The following SMARCC1 variants were observed in gnomAD, a reference collection of about 807,000 sequenced individuals.
SMARCC1 encodes the protein SWI/SNF related BAF chromatin remodeling complex subunit C1.
A neutral mutation model predicts 147.4 loss-of-function variants in SMARCC1; 43 were observed. The observed-to-expected ratio is 0.29, with a 90% CI of 0.23 to 0.38. The LOEUF is 0.38. Ranked by LOEUF, SMARCC1 falls within the 10% of genes least tolerant of loss-of-function variation. SMARCC1 has a pLI of 1.00. For synonymous variants in SMARCC1, 495 were observed against 484.4 expected (o/e 1.02, Z -0.29); for missense variants, 1,119 against 1,381.1 (o/e 0.81, Z 3.01).
intron 11 of SMARCC1, among the ~76,000 whole-genome samples, chr3:47,697,621 GA>G (rs71070212): frequency 0.013 from 1,742 of 131,668 alleles, 8 homozygotes; most frequent in South Asian, 0.019. Context: ...ACTCTTAAGG[GA>G]AAAAAAAAAA....
At chr3:47,710,546 C>T in intron 9 of SMARCC1, 137 bp downstream of exon 9, 1 of 801,006 alleles carries the variant, frequency 1.2e-6, no homozygotes, top group Non-Finnish European at 1.9e-6. Flanking sequence ...GGAATTTTCA[C>T]CTGATGGCAC....
At chr3:47,658,689 G>A (rs2106731539) in intron 21 of SMARCC1, among the ~76,000 whole-genome samples, 1 of 152,198 alleles carries the variant, frequency 6.6e-6, no homozygotes, top group Middle Eastern at 3.4e-3. Context: ...CATTCCAGTT[G>A]TTTCCCCTTT....
intron 26 of SMARCC1, among the ~76,000 whole-genome samples, chr3:47,599,897 T>C (rs1416911092): frequency 6.6e-6 from 1 of 152,232 alleles, no homozygotes; most frequent in Non-Finnish European, 1.5e-5. Flanking sequence ...CTACCTATCA[T>C]GCACTGGGAA....
At chr3:47,622,469 C>G (rs987138455) in intron 24 of SMARCC1, 128 bp from the exon 25 acceptor site, 8 of 833,272 alleles carry the variant, frequency 9.6e-6, no homozygotes, top group Non-Finnish European at 1.5e-5. Context: ...TCCTTTGTAA[C>G]GTACAATCTA....
chr3:47,700,355 A>C (rs1194070144), intron 11 of SMARCC1, among the ~76,000 whole-genome samples: 1 of 152,176 alleles, frequency 6.6e-6, no homozygotes, highest in East Asian at 1.9e-4. Context: ...AAGATGGGTG[A>C]AGAAGGCTAA....
At chr3:47,623,645 G>A (rs187011246) in intron 24 of SMARCC1, among the ~76,000 whole-genome samples, 1 of 152,098 alleles carries the variant, frequency 6.6e-6, no homozygotes, top group East Asian at 1.9e-4. Context: ...TGTAATTTAA[G>A]GCATTATCAT....
In SMARCC1 at chr3:47,780,168, GTTTTT is replaced by G. The variant is rs10662354; in HGVS notation, c.195+1430_195+1434del. On this transcript the variant is annotated intron_variant, in intron 1 of 27. Transcript: ENST00000254480. ...ATTTCTGGGTCTTTGGTTTTTTTTT[GTTTTT>G]TTTTTTTTTTTTTTTTTGGAGACAG... Among the ~76,000 whole-genome samples the G allele has an allele frequency of 1.8e-4, 11 of 61,898 alleles. No individual in the cohort carries two copies. The East Asian group carries it at 3.2e-3, about 18-fold the overall frequency. 40.6% of individuals were successfully genotyped at this position (61,898 alleles called of 152,430 possible). A position where few individuals can be genotyped will look rare whatever the true frequency, so the allele number is the denominator to read the frequency against.
intron 7 of SMARCC1, among the ~76,000 whole-genome samples, chr3:47,716,439 A>AC (rs71281897): frequency 4.7e-5 from 7 of 149,478 alleles, no homozygotes; most frequent in African/African-American, 9.9e-5. Flanking sequence ...AAAAAAAAAA[A>AC]CCCAACCTTA....
At chr3:47,722,367 G>A (rs1293249404) in intron 6 of SMARCC1, among the ~76,000 whole-genome samples, 2 of 136,806 alleles carry the variant, frequency 1.5e-5, no homozygotes, top group Non-Finnish European at 3.0e-5. Flanking sequence ...GTGCGATCTC[G>A]GCTCACCACA....
chr3:47,768,219 C>T (rs980315167), intron 2 of SMARCC1, among the ~76,000 whole-genome samples: 6 of 152,118 alleles, frequency 3.9e-5, no homozygotes, highest in Middle Eastern at 3.2e-3. Context: ...ACATTCTTTG[C>T]TTTGTTAATT....
intron 22 of SMARCC1, among the ~76,000 whole-genome samples, chr3:47,637,669 G>A (rs745495570): frequency 4.1e-4 from 62 of 150,980 alleles, no homozygotes; most frequent in Non-Finnish European, 2.1e-4. Context: ...CCAAGATTGC[G>A]TTGCTGCATT....
At chr3:47,680,641 G>A (rs1287435959) in intron 14 of SMARCC1, 133 bp from the exon 15 acceptor site, 14 of 455,652 alleles carry the variant, frequency 3.1e-5, no homozygotes, top group Non-Finnish European at 4.4e-5. Context: ...TCCGCCTCCC[G>A]GGTTCACGCC....
At chr3:47,679,879 A>G (rs973766258) in intron 15 of SMARCC1, among the ~76,000 whole-genome samples, 114 of 150,596 alleles carry the variant, frequency 7.6e-4, no homozygotes, top group African/African-American at 2.7e-3. Flanking sequence ...AAAAAAAAAA[A>G]GGAAGAAAGA....
At chr3:47,776,887 C>T (rs1411927758) in intron 1 of SMARCC1, among the ~76,000 whole-genome samples, 1 of 151,854 alleles carries the variant, frequency 6.6e-6, no homozygotes, top group African/African-American at 2.4e-5. Context: ...CAATTCTCCT[C>T]CCTTAGCCTA....
At chr3:47,731,981 T>C (rs1221210464) in intron 5 of SMARCC1, among the ~76,000 whole-genome samples, 1 of 152,220 alleles carries the variant, frequency 6.6e-6, no homozygotes, top group Non-Finnish European at 1.5e-5. Context: ...CATTGACTTC[T>C]CTAACTATGA....
intron 21 of SMARCC1, among the ~76,000 whole-genome samples, chr3:47,647,013 A>T (rs2033127921): frequency 6.6e-6 from 1 of 152,232 alleles, no homozygotes; most frequent in Admixed American, 6.5e-5. Flanking sequence ...TTAAGGTCAA[A>T]ACTATTTTCA....
intron 1 of SMARCC1, among the ~76,000 whole-genome samples, chr3:47,774,236 CTTTT>C (rs35831016): frequency 2.1e-4 from 24 of 113,386 alleles, no homozygotes; most frequent in Middle Eastern, 4.2e-3. Flanking sequence ...CAATCATTTA[CTTTT>C]TTTTTTTTTT....
intron 2 of SMARCC1, among the ~76,000 whole-genome samples, chr3:47,765,091 A>G (rs2034820505): frequency 6.6e-6 from 1 of 152,170 alleles, no homozygotes; most frequent in African/African-American, 2.4e-5. Flanking sequence ...GTCTCTACCA[A>G]AAATGCAAAA....
At chr3:47,764,362 G>C (rs1305890000) in intron 2 of SMARCC1, among the ~76,000 whole-genome samples, 1 of 152,118 alleles carries the variant, frequency 6.6e-6, no homozygotes, top group African/African-American at 2.4e-5. Context: ...CTGTACATTG[G>C]CCATACTTCA....
Sources: gnomAD v4.1 joint callset for allele counts (sites outside exome capture counted in the v4.1 genomes callset) on GRCh38, gnomAD v4.1.1 for gene constraint, MANE v1.5 for transcripts, NCBI Gene and HGNC (gene_info 2026-07-23, HGNC 2026-07-21) for gene names.